Variants in GRIP1 observed in about 807,000 individuals in gnomAD.
GRIP1 encodes the protein glutamate receptor interacting protein 1, also known as glutamate receptor-interacting protein 1.
GRIP1 carries 45 observed loss-of-function variants against 129.9 expected under a neutral mutation model. That is an observed-to-expected ratio of 0.35 (90% confidence interval 0.27 to 0.44). The LOEUF is 0.44. Ranked by LOEUF, GRIP1 falls within the 20% of genes least tolerant of loss-of-function variation. The pLI is 1.00. For missense variants in GRIP1, 1,196 were observed against 1,396.8 expected (o/e 0.86, Z 2.29); for synonymous variants, 530 against 520.8 (o/e 1.02, Z -0.24).
chr12:66,952,959 T>C (rs1387972624), intron 1 of GRIP1, among the ~76,000 whole-genome samples: 3 of 152,338 alleles, frequency 2.0e-5, no homozygotes, highest in Non-Finnish European at 4.4e-5. Context: ...AAATATGCTA[T>C]ATAGCTTGAC....
intron 1 of GRIP1, among the ~76,000 whole-genome samples, chr12:67,045,887 A>G (rs1265790477): frequency 2.6e-5 from 4 of 152,186 alleles, no homozygotes; most frequent in Non-Finnish European, 4.4e-5. Flanking sequence ...GACCCGCAAC[A>G]GTTAAAGAGA....
At chr12:66,569,132 GC>G (rs1409840096) in intron 2 of GRIP1, 1 of 227,454 alleles carries the variant, frequency 4.4e-6, no homozygotes, top group African/African-American at 2.4e-5. Flanking sequence ...TATTATCTTT[GC>G]AGTTTTGAAG....
At chr12:66,435,798 A>C (rs999966237) in intron 13 of GRIP1, among the ~76,000 whole-genome samples, 2 of 152,236 alleles carry the variant, frequency 1.3e-5, no homozygotes, top group African/African-American at 4.8e-5. Context: ...AACAGTAATG[A>C]ATCACTTCTG....
intron 1 of GRIP1, among the ~76,000 whole-genome samples, chr12:66,903,691 A>G (rs2040881177): frequency 6.6e-6 from 1 of 152,216 alleles, no homozygotes; most frequent in Admixed American, 6.5e-5. Flanking sequence ...GTTGAATGTA[A>G]AACAACATAG....
chr12:66,495,319 G>A (rs564674800), intron 7 of GRIP1, among the ~76,000 whole-genome samples: 6 of 152,194 alleles, frequency 3.9e-5, no homozygotes, highest in Non-Finnish European at 7.3e-5. Flanking sequence ...AGAGAAGGGC[G>A]AGCAGGAGGG....
intron 2 of GRIP1, among the ~76,000 whole-genome samples, chr12:66,544,505 T>C (rs1037066581): frequency 5.9e-5 from 9 of 152,132 alleles, no homozygotes; most frequent in Non-Finnish European, 1.3e-4. Context: ...AGGCCTGAGA[T>C]TCCAAATGCA....
rs546782139 is a variant in GRIP1, at chr12:66,463,384, C to A, written c.873-291G>T. 3.9e-5 allele frequency among the ~76,000 whole-genome samples: 6 copies of A among 152,048 alleles called. No individual in the cohort carries two copies. In the South Asian group the frequency reaches 1.0e-3, roughly 26 times the overall value. ...GCTTGTGTGGAAAGTTGAGGGAAAG[C>A]GAGCAAGAGGAAAGGGAAAAACAGG... On this transcript the variant is annotated intron_variant, in intron 8 of 24. Coordinates refer to ENST00000359742, the MANE Select transcript of GRIP1 (RefSeq NM_001366722.1).
At chr12:67,012,486 T>G (rs1469125521) in intron 1 of GRIP1, among the ~76,000 whole-genome samples, 2 of 152,146 alleles carry the variant, frequency 1.3e-5, no homozygotes, top group African/African-American at 4.8e-5. Flanking sequence ...CTTCCAATCT[T>G]AGGTTTCTAA....
At chr12:66,765,080 G>A (rs184698551) in intron 1 of GRIP1, among the ~76,000 whole-genome samples, 87 of 152,232 alleles carry the variant, frequency 5.7e-4, no homozygotes, top group Non-Finnish European at 9.7e-4. Context: ...ACAGAGTGCA[G>A]AACTGAAAGG....
chr12:66,569,685 T>G (rs1250312781), intron 2 of GRIP1, among the ~76,000 whole-genome samples: 1 of 152,114 alleles, frequency 6.6e-6, no homozygotes, highest in Non-Finnish European at 1.5e-5. Flanking sequence ...ACTCCACAAG[T>G]GTCCAGCAAG....
intron 1 of GRIP1, among the ~76,000 whole-genome samples, chr12:66,780,019 T>C (rs903104241): frequency 4.6e-5 from 7 of 152,094 alleles, no homozygotes; most frequent in Non-Finnish European, 8.8e-5. Context: ...GCGGGAGATA[T>C]GGAGTGGGAT....
chr12:66,723,292 CTTTCTTTCTTTCTTTTTTTT>C (rs2036140349), intron 1 of GRIP1, among the ~76,000 whole-genome samples: 10 of 28,280 alleles, frequency 3.5e-4, no homozygotes, highest in Admixed American at 1.7e-3. Flanking sequence ...TCCTTTCTTT[CTTTCTTTCTTTCTTTTTTTT>C]TTTTTTTTTT....
At chr12:66,512,812 A>G (rs1043103338) in intron 7 of GRIP1, among the ~76,000 whole-genome samples, 1 of 152,090 alleles carries the variant, frequency 6.6e-6, no homozygotes, top group South Asian at 2.1e-4. Flanking sequence ...ACAAACCCTG[A>G]TGAGATGTAC....
chr12:66,529,170 G>A (rs912484040), intron 5 of GRIP1, among the ~76,000 whole-genome samples: 2 of 152,108 alleles, frequency 1.3e-5, no homozygotes, highest in Admixed American at 6.5e-5. Flanking sequence ...AGTGAAAAGG[G>A]AACACTTCTA....
At chr12:66,677,369 C>A (rs1180851808) in intron 1 of GRIP1, among the ~76,000 whole-genome samples, 1 of 152,082 alleles carries the variant, frequency 6.6e-6, no homozygotes, top group Non-Finnish European at 1.5e-5. Flanking sequence ...CTGATTGTTT[C>A]ATGTTTATGA....
intron 5 of GRIP1, among the ~76,000 whole-genome samples, chr12:66,524,732 A>C (rs2061158668): frequency 6.6e-6 from 1 of 152,350 alleles, no homozygotes; most frequent in South Asian, 2.1e-4. Flanking sequence ...AAAATTAATG[A>C]ATCCAGGAGC....
In GRIP1 at chr12:66,392,440, C is replaced by T; in HGVS notation, c.2332G>A (p.Val778Met). ...ISSHLSDLGD[V>M]EEDSSPAQKP... ...TGTGCTGGTGAGGAGTCCTCCTCCACATCCCCCAGGTCACTCAAATGGCTA... is the reference window on the plus strand; with the variant it reads ...TGTGCTGGTGAGGAGTCCTCCTCCATATCCCCCAGGTCACTCAAATGGCTA... Residue 778 changes from valine (V) to methionine (M), a missense_variant, in exon 19 of 25, where the codon GTG becomes ATG. Val to Met is a conservative substitution (Grantham distance 21). This residue lies in a region of GRIP1 where 427 missense variants were observed against 463.3 expected (regional missense o/e 0.92). Coordinates refer to ENST00000359742, the MANE Select transcript of GRIP1 (RefSeq NM_001366722.1). 6.2e-7 allele frequency: 1 copy of T among 1,614,174 alleles called. No homozygotes were observed. The highest frequency in any genetic ancestry group is 8.5e-7 in the Non-Finnish European group (1 of 1,179,990).
intron 19 of GRIP1, among the ~76,000 whole-genome samples, chr12:66,386,872 G>T (rs1565688217): frequency 6.6e-6 from 1 of 152,188 alleles, no homozygotes; most frequent in Admixed American, 6.5e-5. Flanking sequence ...AAAGTATTCA[G>T]ATGAGGCTGT....
At chr12:66,467,012 T>A (rs2059304828) in intron 7 of GRIP1, among the ~76,000 whole-genome samples, 1 of 152,220 alleles carries the variant, frequency 6.6e-6, no homozygotes, top group Non-Finnish European at 1.5e-5. Flanking sequence ...AAAGTAAAGA[T>A]GACAATATCC....
Sources: allele counts gnomAD v4.1 joint callset (sites outside exome capture counted in the v4.1 genomes callset), GRCh38; gene constraint gnomAD v4.1.1; regional missense constraint gnomAD v4.1.1; transcripts MANE v1.5; gene names NCBI Gene and HGNC (gene_info 2026-07-23, HGNC 2026-07-21).